The following RBPMS variants were observed in gnomAD, a reference collection of about 807,000 sequenced individuals.
RBPMS encodes the protein RNA binding protein, mRNA processing factor.
RBPMS carries 7 observed loss-of-function variants against 26.8 expected under a neutral mutation model. The ratio of observed to expected loss-of-function variants is 0.26; its 90% CI spans 0.15 to 0.49. The LOEUF is 0.49. Among genes scored for constraint, RBPMS ranks in the 20% least tolerant of loss-of-function variants. The pLI is 0.98. For synonymous variants in RBPMS, 96 were observed against 93.3 expected (o/e 1.03, Z -0.17); for missense variants, 186 against 250.0 (o/e 0.74, Z 1.73).
intron 6 of RBPMS, chr8:30,556,671 C>G: frequency 1.0e-6 from 1 of 986,066 alleles, no homozygotes. Flanking sequence ...TCCAGCCCCC[C>G]ACCTGCCATG....
intron 1 of RBPMS, among the ~76,000 whole-genome samples, chr8:30,410,453 C>T (rs1336959236): frequency 2.0e-5 from 3 of 151,916 alleles, no homozygotes; most frequent in Non-Finnish European, 4.4e-5. Context: ...TGTCATCTGC[C>T]CCCCTCGGCC....
intron 6 of RBPMS, chr8:30,555,875 C>T: frequency 6.1e-6 from 6 of 985,440 alleles, no homozygotes; most frequent in Non-Finnish European, 7.2e-6. Context: ...CCTCATTACC[C>T]CCACACAGTG....
At chr8:30,457,889 TTAAG>T (rs1815417915) in intron 1 of RBPMS, among the ~76,000 whole-genome samples, 1 of 152,188 alleles carries the variant, frequency 6.6e-6, no homozygotes, top group African/African-American at 2.4e-5. Flanking sequence ...TTTATATTCT[TTAAG>T]TATTTTTTCT....
In RBPMS at chr8:30,564,009, A is replaced by G. The variant is rs528147947; in HGVS notation, c.*8-2248A>G. The G allele has an allele frequency of 2.0e-5, 3 of 152,352 alleles. No homozygotes were observed. In the East Asian group the frequency reaches 5.8e-4, roughly 29 times the overall value. 9.4% of individuals were successfully genotyped at this position (152,352 alleles called of 1,614,324 possible). On this transcript the variant is annotated intron_variant, in intron 7 of 8. Transcript: ENST00000397323. ...CAGCGTCCTGGGGAGGAGATGGGTA[A>G]TAGGTAATCAAATAGACATAATAGT...
chr8:30,434,332 T>C (rs1812225322), intron 1 of RBPMS, among the ~76,000 whole-genome samples: 1 of 151,944 alleles, frequency 6.6e-6, no homozygotes, highest in South Asian at 2.1e-4. Flanking sequence ...CAAAGATTGT[T>C]ATGGGAGAGT....
intron 5 of RBPMS, among the ~76,000 whole-genome samples, chr8:30,538,159 G>A (rs1824993182): frequency 6.6e-6 from 1 of 152,192 alleles, no homozygotes; most frequent in Non-Finnish European, 1.5e-5. Context: ...CCTCATGACT[G>A]CAGCACGTAG....
intron 1 of RBPMS, among the ~76,000 whole-genome samples, chr8:30,409,037 G>T (rs960529728): frequency 2.6e-5 from 4 of 151,968 alleles, no homozygotes; most frequent in African/African-American, 9.7e-5. Context: ...CTTTCCCATT[G>T]TTTGAATGAT....
Position 30,479,316 on chromosome 8 carries a change from C to T in RBPMS, c.185C>T (p.Pro62Leu). The T allele has an allele frequency of 6.2e-7, 1 of 1,606,800 alleles. No homozygotes were observed. The highest frequency in any genetic ancestry group is 8.5e-7 in the Non-Finnish European group (1 of 1,176,912). Residue 62 changes from proline (P) to leucine (L), a missense_variant and splice_region_variant, in exon 4 of 9, where the codon CCT becomes CTT. By Grantham distance (98) the Pro-to-Leu change is moderately conservative. Around this residue, in one of 3 missense-constraint regions of RBPMS, gnomAD observed 50 missense variants for 108.5 expected, o/e 0.46. Transcript: ENST00000397323. ...CATATTTCTCTTTTTTTTTCTCAGC[C>T]TGTAGGTTTTGTCAGTTTTGACAGT... is the stretch of plus-strand genomic sequence containing the variant. ...GSLIKLTSKQ[P>L]VGFVSFDSRS...
At chr8:30,455,880 A>C (rs1264152405) in intron 1 of RBPMS, among the ~76,000 whole-genome samples, 1 of 152,106 alleles carries the variant, frequency 6.6e-6, no homozygotes, top group Admixed American at 6.5e-5. Context: ...ACAGAGTGAG[A>C]CTCTGTCTCA....
At chr8:30,526,310 G>A (rs1482554809) in intron 5 of RBPMS, among the ~76,000 whole-genome samples, 1 of 152,204 alleles carries the variant, frequency 6.6e-6, no homozygotes, top group East Asian at 1.9e-4. Flanking sequence ...TTACAAATTA[G>A]CTGCTTGTCC....
chr8:30,514,910 T>G (rs946413732), intron 5 of RBPMS, among the ~76,000 whole-genome samples: 10 of 152,106 alleles, frequency 6.6e-5, no homozygotes, highest in African/African-American at 1.9e-4. Flanking sequence ...ATCTTCCAAA[T>G]GACCAATGTA....
At chr8:30,410,188 A>ACACT (rs891530476) in intron 1 of RBPMS, among the ~76,000 whole-genome samples, 1 of 144,192 alleles carries the variant, frequency 6.9e-6, no homozygotes, top group Non-Finnish European at 1.5e-5. Context: ...ACACACACAC[A>ACACT]CACTTAACTG....
chr8:30,518,687 CTTTTTTTTTT>C (rs58763494), intron 5 of RBPMS, among the ~76,000 whole-genome samples: 47 of 18,246 alleles, frequency 2.6e-3, no homozygotes, highest in South Asian at 5.4e-3. Flanking sequence ...CCAAGCATGA[CTTTTTTTTTT>C]TTTTTTTTTT....
At chr8:30,489,153 C>T (rs1819106728) in intron 4 of RBPMS, among the ~76,000 whole-genome samples, 1 of 150,990 alleles carries the variant, frequency 6.6e-6, no homozygotes, top group Non-Finnish European at 1.5e-5. Context: ...CTTGAGTGCT[C>T]CTCCCACCTC....
At chr8:30,561,952 G>C (rs1201548413) in intron 7 of RBPMS, 2 of 985,164 alleles carry the variant, frequency 2.0e-6, no homozygotes, top group Admixed American at 6.2e-5. Context: ...AGACCCTTCA[G>C]CAATGGCTAC....
chr8:30,481,820 T>C (rs1010887791), intron 4 of RBPMS, among the ~76,000 whole-genome samples: 1 of 152,192 alleles, frequency 6.6e-6, no homozygotes, highest in African/African-American at 2.4e-5. Context: ...CTTTTCTATG[T>C]AAAGTAGTAG....
At chr8:30,501,391 G>A (rs1312918405) in intron 4 of RBPMS, among the ~76,000 whole-genome samples, 1 of 151,432 alleles carries the variant, frequency 6.6e-6, no homozygotes. Context: ...CTGGCTCCCT[G>A]GCATGAAACT....
intron 5 of RBPMS, among the ~76,000 whole-genome samples, chr8:30,511,599 TTG>T (rs1393434950): frequency 6.8e-6 from 1 of 147,318 alleles, no homozygotes; most frequent in Non-Finnish European, 1.5e-5. Flanking sequence ...ATATATATAT[TTG>T]TGTATATATA....
intron 6 of RBPMS, chr8:30,545,578 C>A: frequency 5.3e-6 from 2 of 375,496 alleles, no homozygotes; most frequent in Non-Finnish European, 3.7e-6. Flanking sequence ...CTGTTTTGCT[C>A]AGTGTTTGTT....
Sources: allele counts gnomAD v4.1 joint callset (sites outside exome capture counted in the v4.1 genomes callset), GRCh38; gene constraint gnomAD v4.1.1; regional missense constraint gnomAD v4.1.1; transcripts MANE v1.5; gene names NCBI Gene and HGNC (gene_info 2026-07-23, HGNC 2026-07-21).